Variants in MIA3 observed in about 807,000 individuals in gnomAD.
MIA3 encodes transport and Golgi organization protein 1 homolog.
A neutral mutation model predicts 192.4 loss-of-function variants in MIA3; 90 were observed. The ratio of observed to expected loss-of-function variants is 0.47; its 90% confidence interval spans 0.39 to 0.56. The LOEUF (loss-of-function observed/expected upper bound fraction) is 0.56. Ranked by LOEUF, MIA3 falls within the 20% of genes least tolerant of loss-of-function variation. MIA3 has a pLI of 0.00. For synonymous variants in MIA3, 740 were observed against 792.8 expected, an observed-to-expected ratio of 0.93 and a Z score of 1.12; for missense variants, 2,123 against 2,269.4, an observed-to-expected ratio of 0.94 and a Z score of 1.31.
chr1:222,657,868 G>A (rs1333867791), intron 18 of MIA3, among the ~76,000 whole-genome samples: 1 of 152,024 alleles, frequency 6.6e-6, no homozygotes, highest in Non-Finnish European at 1.5e-5. Context: ...TTTTCTCTTT[G>A]GTGTTAATAA....
Position 222,654,223 on chromosome 1 carries a change from G to T in MIA3, c.4322-20G>T, listed in dbSNP as rs767812113. 2.5e-6 allele frequency: 4 copies of T among 1,609,334 alleles called. No individual in the cohort carries two copies. In the African/African-American group the frequency reaches 5.4e-5, roughly 22 times the overall value. The stretch of plus-strand genomic sequence containing the variant: ...AGCAAGGGAAGAAAAAGCAATGAAA[G>T]AAAGCCTTTTGTTTTTTAGGTGACC... On this transcript the variant is annotated intron_variant, in intron 15 of 27. Coordinates refer to ENST00000344922, the MANE Select transcript of MIA3 (RefSeq NM_198551.4).
rs760483075 is a variant in MIA3, at chr1:222,652,345, G to C, written c.4086+13G>C. On this transcript the variant is annotated intron_variant, in intron 13 of 27. Transcript: ENST00000344922. ...GAAAAAAGAGCAGGTAAAGGAAAGT[G>C]CGTGTCCCAGGTCATGTAAAATAGA... The C allele has an allele frequency of 1.3e-6, 2 of 1,545,598 alleles. No individual in the cohort carries two copies. Among genetic ancestry groups the C allele is most frequent in the East Asian group, 4.5e-5 (2 of 44,530 alleles).
chr1:222,622,840 T>C (rs1661936355), intron 2 of MIA3, among the ~76,000 whole-genome samples: 2 of 152,258 alleles, frequency 1.3e-5, no homozygotes, highest in African/African-American at 4.8e-5. Flanking sequence ...CTGGATGTCC[T>C]GTCAGTCTTT....
At chr1:222,648,709 G>T in intron 7 of MIA3, 120 bp from the exon 8 acceptor site, 1 of 687,256 alleles carries the variant, frequency 1.5e-6, no homozygotes, top group East Asian at 2.8e-5. Flanking sequence ...GATTCATTAT[G>T]CTAAACCAAA....
chr1:222,630,158 C>G lies in MIA3; in HGVS notation c.2938C>G (p.Arg980Gly), dbSNP rs552023802. 8 of 1,614,158 alleles carry G rather than the reference C, an allele frequency of 5.0e-6. No individual in the cohort carries two copies. In the South Asian group the frequency reaches 7.7e-5, roughly 16 times the overall value. The change falls in exon 4 of 28, where the codon CGT (arginine) becomes GGT (glycine). Residue 980 changes from arginine to glycine, a missense_variant. Arg to Gly is a moderately radical substitution (Grantham distance 125, BLOSUM62 -2). Coordinates refer to ENST00000344922, the MANE Select transcript of MIA3 (RefSeq NM_198551.4). ...NMEKVLDKVF[R>G]ASESQILSIA... ...GGAAAAAGTCCTAGATAAGGTCTTC[C>G]GTGCTTCTGAGTCACAAATTCTGAG...
intron 18 of MIA3, among the ~76,000 whole-genome samples, chr1:222,655,962 C>T (rs1233014119): frequency 1.4e-5 from 1 of 71,256 alleles, no homozygotes; most frequent in African/African-American, 5.6e-5. Context: ...ACTTTCTTTC[C>T]CTTTTTTTTT....
At chr1:222,632,035 G>A in intron 4 of MIA3, 130 bp from the exon 5 acceptor site, 2 of 658,992 alleles carry the variant, frequency 3.0e-6, no homozygotes, top group East Asian at 2.8e-5. Context: ...TTATTTCCCT[G>A]CCCAGTTGTG....
At position 222,657,048 on chromosome 1, in the gene MIA3, G is replaced by A. The variant is rs150313750; in HGVS notation, c.4608-1674G>A. Reference sequence around the variant, plus strand: ...TGTGATTACATTGTCTTGTCTTGTGGAATGTCTGGTTGGTTTTGATGGAGT... The same window carrying A: ...TGTGATTACATTGTCTTGTCTTGTGAAATGTCTGGTTGGTTTTGATGGAGT... On this transcript the variant is annotated intron_variant, in intron 18 of 27. Coordinates refer to ENST00000344922, the MANE Select transcript of MIA3 (RefSeq NM_198551.4). 1.5e-3 allele frequency among the ~76,000 whole-genome samples: 223 copies of A among 152,302 alleles called. 6 individuals are homozygous for A. The South Asian group carries it at 0.021, about 14-fold the overall frequency.
chr1:222,639,622 TA>T (rs1417856302), intron 6 of MIA3, among the ~76,000 whole-genome samples: 2 of 152,120 alleles, frequency 1.3e-5, no homozygotes, highest in African/African-American at 4.8e-5. Context: ...TGACAAACTT[TA>T]AAAAGACAAT....
rs547649726 is a variant in MIA3, at chr1:222,665,435, C to T, written c.5540C>T (p.Ser1847Leu). 4 of 1,613,986 alleles carry T rather than the reference C, an allele frequency of 2.5e-6. No individual in the cohort carries two copies. The highest frequency in any genetic ancestry group is 1.3e-5 in the African/African-American group (1 of 74,954). The part of the protein sequence containing the change: ...PGHAPFRPLG[S>L]LGPREYFIPG... Reference sequence around the variant, plus strand: ...CACGCACCATTTAGACCTTTAGGTTCACTTGGCCCAAGAGAGTACTTTATT... The same window carrying T: ...CACGCACCATTTAGACCTTTAGGTTTACTTGGCCCAAGAGAGTACTTTATT... The change falls in exon 28 of 28, where the codon TCA becomes TTA. Residue 1847 changes from serine (S) to leucine (L), a missense_variant. This residue lies in a region of MIA3 where 762 missense variants were observed against 856.4 expected (regional missense o/e 0.89). Coordinates refer to ENST00000344922, the MANE Select transcript of MIA3 (RefSeq NM_198551.4).
At chr1:222,626,727 C>T (rs1357962640) in intron 3 of MIA3, among the ~76,000 whole-genome samples, 1 of 152,208 alleles carries the variant, frequency 6.6e-6, no homozygotes, top group Non-Finnish European at 1.5e-5. Context: ...GCCTCCTTTA[C>T]ACCATTCTTT....
At chr1:222,650,441 ATCT>A in intron 9 of MIA3, 61 bp downstream of exon 9, 1 of 946,516 alleles carries the variant, frequency 1.1e-6, no homozygotes, top group Non-Finnish European at 1.6e-6. Flanking sequence ...TTTGTCACCT[ATCT>A]TATAGTTCAG....
chr1:222,630,085 G>C lies in MIA3; in HGVS notation c.2865G>C (p.Met955Ile). The change falls in exon 4 of 28, where the codon ATG becomes ATC. Residue 955 changes from methionine to isoleucine, a missense_variant. By Grantham distance (10) the Met-to-Ile change is conservative (BLOSUM62 1). Around this residue, in one of 3 missense-constraint regions of MIA3, gnomAD observed 1,357 missense variants for 1,396.1 expected, o/e 0.97. Transcript: ENST00000344922. ...AGCTGGAAGCCTTGCTACAAGAAAT[G>C]TCATCAAAACTGAAGTCAGCGCAGC... ...VHELEALLQE[M>I]SSKLKSAQQE... 6.2e-7 allele frequency: 1 copy of C among 1,614,162 alleles called. No individual in the cohort carries two copies. Among genetic ancestry groups the C allele is most frequent in the Non-Finnish European group, 8.5e-7 (1 of 1,180,034 alleles).
At chr1:222,645,929 A>AT in intron 7 of MIA3, 1 of 357,474 alleles carries the variant, frequency 2.8e-6, no homozygotes, top group Non-Finnish European at 5.0e-6. Context: ...AATTTTAAGA[A>AT]TTAGGTGGGT....
Position 222,630,179 on chromosome 1 carries a change from C to G in MIA3, c.2959C>G (p.Leu987Val). Reference protein sequence around the residue: ...KVFRASESQILSIAEKMLDTR... With the variant: ...KVFRASESQIVSIAEKMLDTR... ...CTTCCGTGCTTCTGAGTCACAAATTCTGAGCATAGCAGAAAAAATGCTTGA... is the reference window on the plus strand; with the variant it reads ...CTTCCGTGCTTCTGAGTCACAAATTGTGAGCATAGCAGAAAAAATGCTTGA... The change falls in exon 4 of 28, where the codon CTG becomes GTG. Residue 987 changes from leucine to valine, a missense_variant. By Grantham distance (32) the Leu-to-Val change is conservative. Around this residue, in one of 3 missense-constraint regions of MIA3, gnomAD observed 1,357 missense variants for 1,396.1 expected, o/e 0.97. Coordinates refer to ENST00000344922, the MANE Select transcript of MIA3 (RefSeq NM_198551.4). The G allele has an allele frequency of 6.2e-7, 1 of 1,614,164 alleles. No individual in the cohort carries two copies. The highest frequency in any genetic ancestry group is 8.5e-7 in the Non-Finnish European group (1 of 1,180,046).
chr1:222,618,249 T>G lies in MIA3; in HGVS notation c.133+6T>G. ...CGCGGACGACGAATGCAGCAGTGAGTGCGCTGGAGGGGCGGCTGGCCTCGG... is the reference window on the plus strand; with the variant it reads ...CGCGGACGACGAATGCAGCAGTGAGGGCGCTGGAGGGGCGGCTGGCCTCGG... On this transcript the variant is annotated splice_donor_region_variant and intron_variant, in intron 1 of 27. Transcript: ENST00000344922. The G allele has an allele frequency of 6.9e-7, 1 of 1,439,446 alleles. No individual in the cohort carries two copies. Among genetic ancestry groups the G allele is most frequent in the East Asian group, 3.1e-5 (1 of 32,058 alleles). The allele number at this position is 1,439,446 out of a possible 1,614,324, so 89.2% of individuals were successfully genotyped here. A position where few individuals can be genotyped will look rare whatever the true frequency, so the allele number is the denominator to read the frequency against.
At chr1:222,636,531 G>A (rs1265450822) in intron 6 of MIA3, among the ~76,000 whole-genome samples, 2 of 49,664 alleles carry the variant, frequency 4.0e-5, no homozygotes, top group Non-Finnish European at 7.1e-5. Flanking sequence ...TTTTTTTTTT[G>A]AGATAGAGTC....
In MIA3 at chr1:222,652,047, A is replaced by G; in HGVS notation, c.3980A>G (p.Glu1327Gly). The stretch of plus-strand genomic sequence containing the variant: ...TCAATGAATGCCTCAGAATTTTCAG[A>G]GGTAAAGCTGACTGTAATTCCTGCA... ...VISMNASEFS[E>G]VQIALNEAKL... Residue 1327 changes from glutamate (E) to glycine (G), a missense_variant and splice_region_variant, in exon 12 of 28, where the codon GAG (glutamate) becomes GGG (glycine). Physicochemically the swap from Glu to Gly is moderately conservative, Grantham distance 98. This residue lies in a region of MIA3 where 762 missense variants were observed against 856.4 expected (regional missense o/e 0.89). Transcript: ENST00000344922. 6.5e-7 allele frequency: 1 copy of G among 1,548,640 alleles called. No individual in the cohort carries two copies. Among genetic ancestry groups the G allele is most frequent in the Non-Finnish European group, 8.9e-7 (1 of 1,120,756 alleles).
At chr1:222,632,032 C>T in intron 4 of MIA3, 133 bp from the exon 5 acceptor site, 1 of 630,842 alleles carries the variant, frequency 1.6e-6, no homozygotes, top group Non-Finnish European at 2.7e-6. Context: ...CTCTTATTTC[C>T]CTGCCCAGTT....
Sources: allele counts gnomAD v4.1 joint callset (sites outside exome capture counted in the v4.1 genomes callset), GRCh38; gene constraint gnomAD v4.1.1; regional missense constraint gnomAD v4.1.1; transcripts MANE v1.5; gene names NCBI Gene and HGNC (gene_info 2026-07-23, HGNC 2026-07-21).